The following ITGA1 variants were observed in gnomAD, a reference collection of about 807,000 sequenced individuals.
ITGA1 encodes the protein integrin subunit alpha 1.
Under a neutral mutation model 145.9 loss-of-function variants are expected in ITGA1, and 85 were observed. The ratio of observed to expected loss-of-function variants is 0.58; its 90% confidence interval spans 0.49 to 0.70. The LOEUF (loss-of-function observed/expected upper bound fraction) is 0.70. ITGA1 is among the 30% of genes least tolerant of loss of function. ITGA1 has a pLI of 0.00. For synonymous variants in ITGA1, 520 were observed against 495.3 expected (o/e 1.05, Z -0.66); for missense variants, 1,351 against 1,418.7 (o/e 0.95, Z 0.77).
intron 6 of ITGA1, among the ~76,000 whole-genome samples, chr5:52,881,175 A>G (rs1749951551): frequency 6.6e-6 from 1 of 152,284 alleles, no homozygotes; most frequent in African/African-American, 2.4e-5. Flanking sequence ...GGTTAGACAA[A>G]GCTCACTGCT....
At chr5:52,806,974 C>G (rs1055263907) in intron 1 of ITGA1, among the ~76,000 whole-genome samples, 1 of 152,126 alleles carries the variant, frequency 6.6e-6, no homozygotes, top group Non-Finnish European at 1.5e-5. Context: ...AGGATGATAA[C>G]ATTTATGATA....
At chr5:52,885,694 A>G (rs917034673) in intron 7 of ITGA1, among the ~76,000 whole-genome samples, 1 of 152,210 alleles carries the variant, frequency 6.6e-6, no homozygotes, top group African/African-American at 2.4e-5. Context: ...AGTGTGAGCA[A>G]TGGGCTTTTA....
intron 13 of ITGA1, among the ~76,000 whole-genome samples, chr5:52,909,768 GT>G (rs796538065): frequency 1.4e-3 from 197 of 141,334 alleles, no homozygotes; most frequent in South Asian, 6.4e-3. Flanking sequence ...TTCTGTCTGG[GT>G]TTTTTTTTTT....
At position 52,886,445 on chromosome 5, in the gene ITGA1, AG is replaced by A. The variant is rs1283950598; in HGVS notation, c.774-1368del. 6.6e-5 allele frequency among the ~76,000 whole-genome samples: 10 copies of A among 152,326 alleles called. No individual in the cohort carries two copies. The East Asian group carries it at 1.5e-3, about 23-fold the overall frequency. ...ACTCTTTGGAATGTTAGCTTAAGAC[AG>A]GCGTTTCCTTGGCAAATCTATCCCA... On this transcript the variant is annotated intron_variant, in intron 7 of 28. Coordinates refer to ENST00000282588, the MANE Select transcript of ITGA1 (RefSeq NM_181501.2).
intron 23 of ITGA1, among the ~76,000 whole-genome samples, chr5:52,936,598 G>T (rs1750968283): frequency 6.6e-6 from 1 of 152,184 alleles, no homozygotes; most frequent in Non-Finnish European, 1.5e-5. Flanking sequence ...TCAGCAGTAG[G>T]AAGGGGACAA....
At chr5:52,806,121 T>C (rs1748584058) in intron 1 of ITGA1, among the ~76,000 whole-genome samples, 1 of 152,082 alleles carries the variant, frequency 6.6e-6, no homozygotes, top group Admixed American at 6.6e-5. Context: ...GTTTATATAC[T>C]CTAAGAGATT....
At chr5:52,833,206 G>C (rs938293645) in intron 1 of ITGA1, among the ~76,000 whole-genome samples, 1 of 145,302 alleles carries the variant, frequency 6.9e-6, no homozygotes, top group South Asian at 2.2e-4. Context: ...AAAAAAAAAT[G>C]CTTTGAAATT....
chr5:52,915,875 A>T (rs1039180661), intron 15 of ITGA1, among the ~76,000 whole-genome samples: 37 of 152,308 alleles, frequency 2.4e-4, no homozygotes, highest in African/African-American at 8.4e-4. Flanking sequence ...GGAAGAGAAG[A>T]TCTTATAGAG....
intron 1 of ITGA1, among the ~76,000 whole-genome samples, chr5:52,821,023 T>C (rs1305294521): frequency 2.0e-5 from 3 of 152,226 alleles, no homozygotes; most frequent in African/African-American, 7.2e-5. Flanking sequence ...AGTGTGTGTG[T>C]GTATGTGCAT....
chr5:52,821,394 C>T (rs1387719190), intron 1 of ITGA1, among the ~76,000 whole-genome samples: 1 of 152,124 alleles, frequency 6.6e-6, no homozygotes, highest in Non-Finnish European at 1.5e-5. Flanking sequence ...AAGATGGCCC[C>T]ACTGATATTC....
At chr5:52,855,363 A>G (rs1024611592) in intron 2 of ITGA1, among the ~76,000 whole-genome samples, 3 of 152,182 alleles carry the variant, frequency 2.0e-5, no homozygotes, top group African/African-American at 7.2e-5. Context: ...AGATTTTACA[A>G]TCCAGACCTC....
At chr5:52,796,297 T>C (rs974895994) in intron 1 of ITGA1, among the ~76,000 whole-genome samples, 1 of 151,800 alleles carries the variant, frequency 6.6e-6, no homozygotes, top group African/African-American at 2.4e-5. Flanking sequence ...TTAAAAACTT[T>C]TGGAGGTAAC....
intron 9 of ITGA1, among the ~76,000 whole-genome samples, chr5:52,895,000 T>C (rs1467625196): frequency 2.0e-5 from 3 of 152,170 alleles, no homozygotes; most frequent in Non-Finnish European, 4.4e-5. Flanking sequence ...TGCACATAAA[T>C]ATATACATAT....
chr5:52,850,796 C>T (rs1040671398), intron 2 of ITGA1, among the ~76,000 whole-genome samples: 6 of 152,074 alleles, frequency 3.9e-5, no homozygotes, highest in African/African-American at 7.2e-5. Context: ...AGTTCCCTTT[C>T]CCTCCCTCCT....
At chr5:52,909,673 G>T (rs1750467295) in intron 13 of ITGA1, among the ~76,000 whole-genome samples, 1 of 149,538 alleles carries the variant, frequency 6.7e-6, no homozygotes. Context: ...ATCATTTTTT[G>T]GCTTCCTCCT....
At chr5:52,844,396 C>T (rs1363972341) in intron 1 of ITGA1, among the ~76,000 whole-genome samples, 1 of 152,182 alleles carries the variant, frequency 6.6e-6, no homozygotes, top group African/African-American at 2.4e-5. Context: ...GTCTTCTAAG[C>T]TCATCCTCAT....
chr5:52,953,457 T>G lies in ITGA1; in HGVS notation c.*1006T>G, dbSNP rs1469107662. On this transcript the variant is annotated 3_prime_UTR_variant, in exon 29 of 29. Coordinates refer to ENST00000282588, the MANE Select transcript of ITGA1 (RefSeq NM_181501.2). ...AACCCCCAAGCTGTGAGAGTGTGTT[T>G]ATTTTTAATTTTTTAAAAGGTATTT... The G allele has an allele frequency of 3.9e-5, 6 of 152,242 alleles. No homozygotes were observed. The highest frequency in any genetic ancestry group is 8.8e-5 in the Non-Finnish European group (6 of 68,040). The allele number at this position is 152,242 out of a possible 1,614,324, so 9.4% of individuals were successfully genotyped here.
At chr5:52,945,895 G>T (rs976320850) in intron 27 of ITGA1, among the ~76,000 whole-genome samples, 2 of 152,180 alleles carry the variant, frequency 1.3e-5, no homozygotes, top group Admixed American at 6.5e-5. Flanking sequence ...CATAAAGAGC[G>T]CTTAGCATAA....
At chr5:52,943,616 G>T (rs980297329) in intron 26 of ITGA1, among the ~76,000 whole-genome samples, 1 of 152,124 alleles carries the variant, frequency 6.6e-6, no homozygotes, top group Non-Finnish European at 1.5e-5. Context: ...TTTGTTAGGT[G>T]TTCTGGGCCA....
Sources: allele counts gnomAD v4.1 joint callset (sites outside exome capture counted in the v4.1 genomes callset), GRCh38; gene constraint gnomAD v4.1.1; transcripts MANE v1.5; gene names NCBI Gene and HGNC (gene_info 2026-07-23, HGNC 2026-07-21).